The following LMOD3 variants were observed in gnomAD, a reference collection of about 807,000 sequenced individuals.
LMOD3 encodes the protein leiomodin-3.
In LMOD3, 31 loss-of-function variants were observed where a neutral mutation model predicts 41.8. That is an observed-to-expected ratio of 0.74 (90% confidence interval 0.56 to 1.00). The LOEUF (loss-of-function observed/expected upper bound fraction) is 1.00. Among genes scored for constraint, LMOD3 ranks in the 50% least tolerant of loss-of-function variants. LMOD3 has a pLI of 0.00. For missense variants in LMOD3, 755 were observed against 679.5 expected (o/e 1.11, Z -1.23); for synonymous variants, 292 against 241.9 (o/e 1.21, Z -1.92).
rs765799302 is a variant in LMOD3, at chr3:69,119,597, G to A, written c.758C>T (p.Pro253Leu). 1.4e-5 allele frequency: 22 copies of A among 1,613,712 alleles called. 1 individual carries two copies. In the South Asian group the frequency reaches 2.4e-4, roughly 18 times the overall value. ...GSLRRVRKND[P>L]DMKELNLNNI... ...GTTCAGGTTGAGTTCCTTCATGTCA[G>A]GATCATTTTTCCTAACTCTCCTCAA... The change falls in exon 2 of 3, where the codon CCT becomes CTT. Residue 253 changes from proline (P) to leucine (L), a missense_variant. Physicochemically the swap from Pro to Leu is moderately conservative, Grantham distance 98. Transcript: ENST00000420581.
Position 69,107,517 on chromosome 3 carries a change from C to T in LMOD3, c.*1578G>A, listed in dbSNP as rs1350509107. ...TTTGAGATGGAGTATCACTCTGTCA[C>T]CCAGGCTGGAGTACAGTGACGTGAT... On this transcript the variant is annotated 3_prime_UTR_variant, in exon 3 of 3. Transcript: ENST00000420581. 7.9e-5 allele frequency: 9 copies of T among 114,332 alleles called. No homozygotes were observed. Among genetic ancestry groups the T allele is most frequent in the South Asian group, 3.1e-4 (1 of 3,238 alleles). The allele number at this position is 114,332 out of a possible 1,614,324, so 7.1% of individuals were successfully genotyped here.
At chr3:69,114,061 T>C (rs1193864110) in intron 2 of LMOD3, among the ~76,000 whole-genome samples, 1 of 152,112 alleles carries the variant, frequency 6.6e-6, no homozygotes, top group African/African-American at 2.4e-5. Flanking sequence ...AGATAAGTCA[T>C]GTAAATGAGT....
intron 2 of LMOD3, among the ~76,000 whole-genome samples, chr3:69,117,967 G>C (rs1057021883): frequency 3.3e-5 from 5 of 152,040 alleles, no homozygotes; most frequent in African/African-American, 1.2e-4. Flanking sequence ...GAGTAGCTGG[G>C]ACTACAGGTG....
In LMOD3 at chr3:69,122,240, G is replaced by A. The variant is rs184423475; in HGVS notation, c.147C>T (p.Pro49=). Residue 49 remains proline (P), a synonymous_variant, in exon 1 of 3, where the codon CCC becomes CCT. Coordinates refer to ENST00000420581, the MANE Select transcript of LMOD3 (RefSeq NM_198271.5). ...MEVMAPDPSL[P]VGMIQKDQTD... ...TTTGATCTTTCTGAATCATTCCCAC[G>A]GGAAGGCTGGGGTCAGGGGCCATGA... 6.1e-5 allele frequency: 99 copies of A among 1,613,494 alleles called. 1 individual carries two copies. The Admixed American group carries it at 6.8e-4, about 11-fold the overall frequency.
chr3:69,107,250 T>C lies in LMOD3; in HGVS notation c.*1845A>G, dbSNP rs2092326476. The C allele has an allele frequency of 1.3e-5, 2 of 152,040 alleles. No individual in the cohort carries two copies. The highest frequency in any genetic ancestry group is 4.1e-4 in the South Asian group (2 of 4,822). 9.4% of individuals were successfully genotyped at this position (152,040 alleles called of 1,614,324 possible). A position where few individuals can be genotyped will look rare whatever the true frequency, so the allele number is the denominator to read the frequency against. On this transcript the variant is annotated 3_prime_UTR_variant, in exon 3 of 3. Coordinates refer to ENST00000420581, the MANE Select transcript of LMOD3 (RefSeq NM_198271.5). ...TTGGATACTTTTGTACATACTAAAT[T>C]ATCTTAAAAAAATAGAAACGCCATA...
Position 69,122,199 on chromosome 3 carries a change from G to A in LMOD3, c.188C>T (p.Thr63Ile), listed in dbSNP as rs1300693050. Residue 63 changes from threonine to isoleucine, a missense_variant, in exon 1 of 3, where the codon ACA becomes ATA. Physicochemically the swap from Thr to Ile is moderately conservative, Grantham distance 89. Coordinates refer to ENST00000420581, the MANE Select transcript of LMOD3 (RefSeq NM_198271.5). ...AAGAGATTTATGATTGAAGTTTCCT[G>A]TCGGTGGCTTGTCAGTTTGATCTTT... ...IQKDQTDKPPTGNFNHKSLVD... is the reference protein window; with the variant it reads ...IQKDQTDKPPIGNFNHKSLVD... The A allele has an allele frequency of 1.9e-6, 3 of 1,613,398 alleles. No homozygotes were observed. Among genetic ancestry groups the A allele is most frequent in the Non-Finnish European group, 2.5e-6 (3 of 1,179,682 alleles).
chr3:69,109,857 C>T (rs1483645263), intron 2 of LMOD3, among the ~76,000 whole-genome samples: 4 of 151,964 alleles, frequency 2.6e-5, no homozygotes, highest in Non-Finnish European at 4.4e-5. Context: ...CTCATTACAT[C>T]CTACAAAAGC....
Position 69,122,377 on chromosome 3 carries a change from G to A in LMOD3, c.10C>T (p.His4Tyr). 6.3e-7 allele frequency: 1 copy of A among 1,576,932 alleles called. No homozygotes were observed. Among genetic ancestry groups the A allele is most frequent in the Non-Finnish European group, 8.6e-7 (1 of 1,159,708 alleles). ...TCTTCTTGATCTGAATTTCTGCTGT[G>A]CTCTGACATTATTTTTTCTAAATAT... is the stretch of plus-strand genomic sequence containing the variant. MSE[H>Y]SRNSDQEELL... The change falls in exon 1 of 3, where the codon CAC becomes TAC. Residue 4 changes from histidine to tyrosine, a missense_variant. Transcript: ENST00000420581.
At chr3:69,114,367 T>C (rs974263523) in intron 2 of LMOD3, among the ~76,000 whole-genome samples, 3 of 152,200 alleles carry the variant, frequency 2.0e-5, no homozygotes, top group Non-Finnish European at 4.4e-5. Context: ...AGTAAACTTC[T>C]TTTAAACTGA....
At chr3:69,110,850 A>AT (rs2092346227) in intron 2 of LMOD3, among the ~76,000 whole-genome samples, 3 of 135,460 alleles carry the variant, frequency 2.2e-5, no homozygotes, top group South Asian at 2.5e-4. Context: ...AAAAAAAAAA[A>AT]AAAATATATA....
rs1292910892 is a variant in LMOD3 at position 69,122,334 on chromosome 3, A to G, written c.53T>C (p.Ile18Thr). ...GTTGGCCAAGATTTCATCTTCATTA[A>G]TCTCCTCATCGAGAAGTTCTTCTTG... Reference protein sequence around the residue: ...SDQEELLDEEINEDEILANLS... With the variant: ...SDQEELLDEETNEDEILANLS... The change falls in exon 1 of 3, where the codon ATT (isoleucine) becomes ACT (threonine). Residue 18 changes from isoleucine (I) to threonine (T), a missense_variant. Coordinates refer to ENST00000420581, the MANE Select transcript of LMOD3 (RefSeq NM_198271.5). The G allele has an allele frequency of 4.3e-6, 7 of 1,612,498 alleles. No individual in the cohort carries two copies. The highest frequency in any genetic ancestry group is 4.0e-5 in the African/African-American group (3 of 74,800).
Position 69,119,668 on chromosome 3 carries a change from C to T in LMOD3, c.687G>A (p.Lys229=). The T allele has an allele frequency of 6.2e-7, 1 of 1,613,934 alleles. No individual in the cohort carries two copies. Among genetic ancestry groups the T allele is most frequent in the Non-Finnish European group, 8.5e-7 (1 of 1,179,870 alleles). ...GGTTTCCTGAAGGCCTTGTACTTACCTTCAAAAAGCTGGTGTCTAGAGCTA... is the reference window on the plus strand; with the variant it reads ...GGTTTCCTGAAGGCCTTGTACTTACTTTCAAAAAGCTGGTGTCTAGAGCTA... ...KKLALDTSFL[K]VSTRPSGNQT... The change falls in exon 2 of 3, where the codon AAG becomes AAA. Residue 229 remains lysine, a synonymous_variant. Transcript: ENST00000420581.
At chr3:69,112,698 G>A (rs183982920) in intron 2 of LMOD3, among the ~76,000 whole-genome samples, 5 of 152,312 alleles carry the variant, frequency 3.3e-5, no homozygotes, top group East Asian at 3.9e-4. Context: ...AGATGTCACC[G>A]AGTCGTGATT....
rs962081005 is a variant in LMOD3 at position 69,107,386 on chromosome 3, A to G, written c.*1709T>C. 4 of 150,962 alleles carry G rather than the reference A, an allele frequency of 2.6e-5. No individual in the cohort carries two copies. Among genetic ancestry groups the G allele is most frequent in the Non-Finnish European group, 5.9e-5 (4 of 67,850 alleles). 9.4% of individuals were successfully genotyped at this position (150,962 alleles called of 1,614,324 possible). On this transcript the variant is annotated 3_prime_UTR_variant, in exon 3 of 3. Coordinates refer to ENST00000420581, the MANE Select transcript of LMOD3 (RefSeq NM_198271.5). ...TTTGATACATGCCACTTATGATAAC[A>G]TAAAAGGAGAAAGAAGGCAGGTGCC...
chr3:69,113,787 T>C (rs2092359680), intron 2 of LMOD3, among the ~76,000 whole-genome samples: 2 of 152,192 alleles, frequency 1.3e-5, no homozygotes, highest in African/African-American at 4.8e-5. Context: ...TTTATCTCAG[T>C]GAAAAGTACA....
At position 69,119,069 on chromosome 3, in the gene LMOD3, C is replaced by T. The variant is rs180881102; in HGVS notation, c.1286G>A (p.Gly429Glu). The stretch of plus-strand genomic sequence containing the variant: ...GGGTCCTCCCAACAGCTCCCACATC[C>T]CAGGGGGCAGCCCCAACCCATTCTC... ...MLENGLGLPPGMWELLGGPKP... is the reference protein window; with the variant it reads ...MLENGLGLPPEMWELLGGPKP... Residue 429 changes from glycine to glutamate, a missense_variant, in exon 2 of 3, where the codon GGG (glycine) becomes GAG (glutamate). Gly to Glu is a moderately conservative substitution (Grantham distance 98, BLOSUM62 -2). Coordinates refer to ENST00000420581, the MANE Select transcript of LMOD3 (RefSeq NM_198271.5). 6.2e-7 allele frequency: 1 copy of T among 1,613,702 alleles called. No individual in the cohort carries two copies. The highest frequency in any genetic ancestry group is 2.2e-5 in the East Asian group (1 of 44,864).
intron 2 of LMOD3, among the ~76,000 whole-genome samples, chr3:69,118,170 G>A (rs2092385575): frequency 6.6e-6 from 1 of 152,096 alleles, no homozygotes; most frequent in Admixed American, 6.5e-5. Flanking sequence ...GGTTCCTAGG[G>A]ATCTCTGAGT....
rs2092394679 is a variant in LMOD3, at chr3:69,119,343, C to A, written c.1012G>T (p.Glu338Ter). 6.2e-7 allele frequency: 1 copy of A among 1,613,866 alleles called. No homozygotes were observed. The highest frequency in any genetic ancestry group is 1.3e-5 in the African/African-American group (1 of 74,912). The change falls in exon 2 of 3, where the codon GAG becomes TAG. Residue 338 changes from glutamate to a stop codon, truncating the protein, a stop_gained. Coordinates refer to ENST00000420581, the MANE Select transcript of LMOD3 (RefSeq NM_198271.5). LOFTEE classifies it high-confidence loss of function. ...VAIMRCLQFN[E>*]TLTELRFHNQ... ...TGAAACCGAAGCTCAGTTAGCGTCT[C>A]ATTAAACTGGAGACACCTCATGATG...
rs572092252 is a variant in LMOD3, at chr3:69,122,277, G to T, written c.110C>A (p.Ser37Ter). Residue 37 changes from serine (S) to a stop codon, truncating the protein, a stop_gained, in exon 1 of 3, where the codon TCG becomes TAG. Transcript: ENST00000420581. LOFTEE classifies it high-confidence loss of function. ...GTCAGGGGCCATGACTTCCATTTCC[G>T]ACTGCAGTTCTTTCAGTTCTTCAGC... ...LSAEELKELQ[S>*]EMEVMAPDPS... 2 of 1,613,434 alleles carry T rather than the reference G, an allele frequency of 1.2e-6. No homozygotes were observed. The highest frequency in any genetic ancestry group is 2.7e-5 in the African/African-American group (2 of 74,984).
Sources: allele counts gnomAD v4.1 joint callset (sites outside exome capture counted in the v4.1 genomes callset), GRCh38; gene constraint gnomAD v4.1.1; transcripts MANE v1.5; gene names NCBI Gene and HGNC (gene_info 2026-07-23, HGNC 2026-07-21).